Variants in CAMK2G observed in about 807,000 individuals in gnomAD.
The protein encoded by CAMK2G is calcium/calmodulin dependent protein kinase II gamma, also known as calcium/calmodulin-dependent protein kinase type II subunit gamma.
A neutral mutation model predicts 88.7 loss-of-function variants in CAMK2G; 23 were observed. The observed-to-expected ratio is 0.26, with a 90% CI of 0.19 to 0.37. The LOEUF (loss-of-function observed/expected upper bound fraction) is 0.37. Ranked by LOEUF, CAMK2G falls within the 10% of genes least tolerant of loss-of-function variation. The pLI is 1.00. For missense variants in CAMK2G, 476 were observed against 780.8 expected (o/e 0.61, Z 4.65); for synonymous variants, 263 against 294.8 (o/e 0.89, Z 1.11).
intron 19 of CAMK2G, chr10:73,817,851 G>A (rs993032193): frequency 4.3e-6 from 2 of 467,622 alleles, no homozygotes; most frequent in African/African-American, 3.9e-5. Context: ...CCTTTAACAG[G>A]TGAGGAGCCT....
intron 10 of CAMK2G, chr10:73,846,431 A>G (rs1427219021): frequency 6.6e-6 from 1 of 152,214 alleles, no homozygotes; most frequent in Non-Finnish European, 1.5e-5. Context: ...CACCAGGAAC[A>G]GTAGGAGCTC....
Position 73,830,804 on chromosome 10 carries a change from G to C in CAMK2G, c.1054-2683C>G, listed in dbSNP as rs140467686. ...ATAGAAGCTAAGTCCCCCAAATCAA[G>C]AACACAAGACAGACTAGCTGCTCAA... On this transcript the variant is annotated intron_variant, in intron 14 of 22. Coordinates refer to ENST00000423381, the MANE Select transcript of CAMK2G (RefSeq NM_001367534.1). Among the ~76,000 whole-genome samples, 72 of 152,286 alleles carry C rather than the reference G, an allele frequency of 4.7e-4. 1 individual carries two copies. Among genetic ancestry groups the C allele is most frequent in the African/African-American group, 1.5e-3 (63 of 41,564 alleles).
intron 14 of CAMK2G, 119 bp downstream of exon 14, chr10:73,837,349 T>G (rs2093346021): frequency 1.2e-6 from 1 of 844,910 alleles, no homozygotes; most frequent in Admixed American, 1.7e-5. Flanking sequence ...GCATCTGGTT[T>G]AAAGCAGACT....
intron 10 of CAMK2G, 126 bp downstream of exon 10, chr10:73,847,099 C>T (rs1391542409): frequency 4.1e-6 from 4 of 971,696 alleles, no homozygotes; most frequent in Middle Eastern, 2.2e-4. Flanking sequence ...CAGTCCTCTG[C>T]CCGCCTGCTC....
rs571197671 is a variant in CAMK2G, at chr10:73,848,921, A to C, written c.517+92T>G. The C allele has an allele frequency of 8.4e-4, 711 of 851,214 alleles. No individual in the cohort carries two copies. The highest frequency in any genetic ancestry group is 1.3e-3 in the Non-Finnish European group (656 of 486,326). 52.7% of individuals were successfully genotyped at this position (851,214 alleles called of 1,614,324 possible). On this transcript the variant is annotated intron_variant, in intron 7 of 22. Transcript: ENST00000423381. The surrounding 1 kb of genome is among the most constrained non-coding windows in gnomAD (Gnocchi z 4.5). ...GAGATCTCGGAGGCCAGGACCATTA[A>C]GGGTCTGGCTTCTAGTTCTAATAGA...
In CAMK2G at chr10:73,814,840, G is replaced by C. The variant is rs1224229006; in HGVS notation, c.*12+163C>G. On this transcript the variant is annotated intron_variant, in intron 22 of 22. Transcript: ENST00000423381. ...CACGGAGCCAGACCCTAGTCTGTCT[G>C]ATTTCCAAGCATAACTTATTGCAAC... 5.0e-6 allele frequency: 3 copies of C among 602,210 alleles called. No individual in the cohort carries two copies. In the African/African-American group the frequency reaches 5.6e-5, roughly 11 times the overall value. 37.3% of individuals were successfully genotyped at this position (602,210 alleles called of 1,614,324 possible).
Position 73,851,609 on chromosome 10 carries a change from A to G in CAMK2G, c.341+645T>C, listed in dbSNP as rs370950598. 1.4e-3 allele frequency among the ~76,000 whole-genome samples: 216 copies of G among 152,214 alleles called. 1 individual carries two copies. Among genetic ancestry groups the G allele is most frequent in the African/African-American group, 5.0e-3 (208 of 41,530 alleles). On this transcript the variant is annotated intron_variant, in intron 5 of 22. Coordinates refer to ENST00000423381, the MANE Select transcript of CAMK2G (RefSeq NM_001367534.1). ...GGCTTGAGCACACCAGAATTTGTCA[A>G]AGGAAAGAAAAGGGCAGAGGGGGAC...
At chr10:73,838,266 G>A (rs1485640303) in intron 13 of CAMK2G, among the ~76,000 whole-genome samples, 1 of 152,248 alleles carries the variant, frequency 6.6e-6, no homozygotes, top group East Asian at 1.9e-4. Flanking sequence ...CAGACAGTGG[G>A]GAGGAGAGTC....
intron 13 of CAMK2G, among the ~76,000 whole-genome samples, chr10:73,838,944 G>A (rs2093508108): frequency 6.6e-6 from 1 of 152,186 alleles, no homozygotes; most frequent in Non-Finnish European, 1.5e-5. Flanking sequence ...CCTTCGACAG[G>A]GTGATCTTAA....
chr10:73,820,663 A>ATTTTTTTTTTTTTTTTT (rs1198716305), intron 18 of CAMK2G, among the ~76,000 whole-genome samples: 6 of 46,128 alleles, frequency 1.3e-4, no homozygotes, highest in Non-Finnish European at 1.7e-4. Flanking sequence ...CACCCGGCTA[A>ATTTTTTTTTTTTTTTTT]TTTTTTTTTT....
rs746919895 is a variant in CAMK2G, at chr10:73,825,264, G to A, written c.1155+15C>T. On this transcript the variant is annotated intron_variant, in intron 16 of 22. Transcript: ENST00000423381. Reference sequence around the variant, plus strand: ...AGCCAGGGTCAGAGGCGGAGAAGCTGTAGTCAGGAGGTACCATGGCCGTCT... The same window carrying A: ...AGCCAGGGTCAGAGGCGGAGAAGCTATAGTCAGGAGGTACCATGGCCGTCT... 6 of 1,596,880 alleles carry A rather than the reference G, an allele frequency of 3.8e-6. No individual in the cohort carries two copies. The highest frequency in any genetic ancestry group is 5.2e-6 in the Non-Finnish European group (6 of 1,164,194).
intron 1 of CAMK2G, among the ~76,000 whole-genome samples, chr10:73,874,191 G>C (rs1333041887): frequency 6.7e-6 from 1 of 149,114 alleles, no homozygotes; most frequent in East Asian, 2.0e-4. Context: ...GGGGAGCAGC[G>C]GCCCCGCCAG....
chr10:73,842,726 G>A lies in CAMK2G; in HGVS notation c.820-185C>T, dbSNP rs1454671558. ...ATAAAAGCACTACCCGAAACTCAAG[G>A]TTACATAAGGACAACATGAACGTGA... On this transcript the variant is annotated intron_variant, in intron 10 of 22. Transcript: ENST00000423381. The surrounding 1 kb of genome is among the most constrained non-coding windows in gnomAD (Gnocchi z 4.6). 6.6e-6 allele frequency among the ~76,000 whole-genome samples: 1 copy of A among 152,160 alleles called. No homozygotes were observed. Among genetic ancestry groups the A allele is most frequent in the Non-Finnish European group, 1.5e-5 (1 of 68,028 alleles).
intron 16 of CAMK2G, 113 bp downstream of exon 16, chr10:73,825,166 G>C (rs1476460104): frequency 2.5e-6 from 2 of 801,016 alleles, no homozygotes; most frequent in East Asian, 2.4e-5. Context: ...CAGTTCTATG[G>C]GGACCAAGAA....
At chr10:73,828,920 C>T (rs1423619140) in intron 14 of CAMK2G, among the ~76,000 whole-genome samples, 1 of 152,186 alleles carries the variant, frequency 6.6e-6, no homozygotes, top group East Asian at 1.9e-4. Context: ...CCACGTGGAA[C>T]ACTGAAAATA....
intron 17 of CAMK2G, among the ~76,000 whole-genome samples, chr10:73,823,505 G>GGT (rs2089867326): frequency 6.6e-6 from 1 of 152,098 alleles, no homozygotes; most frequent in Non-Finnish European, 1.5e-5. Flanking sequence ...TGTGAGCCAC[G>GGT]GTGCCCAGCT....
At chr10:73,833,639 A>C (rs566937989) in intron 14 of CAMK2G, among the ~76,000 whole-genome samples, 76 of 144,148 alleles carry the variant, frequency 5.3e-4, no homozygotes, top group Non-Finnish European at 8.5e-4. Context: ...TCTGTCCCCC[A>C]GGCTGGAGTG....
At chr10:73,868,602 A>G (rs1216085575) in intron 2 of CAMK2G, among the ~76,000 whole-genome samples, 1 of 152,178 alleles carries the variant, frequency 6.6e-6, no homozygotes, top group African/African-American at 2.4e-5. Flanking sequence ...TTTCGCACAC[A>G]GCCTCCTTAA....
At chr10:73,814,666 A>C in intron 22 of CAMK2G, 161 bp from the exon 23 acceptor site, 2 of 245,574 alleles carry the variant, frequency 8.1e-6, no homozygotes, top group Non-Finnish European at 8.1e-6. Context: ...CCCATTTGCT[A>C]AGCACTAACT....
Sources: gnomAD v4.1 joint callset for allele counts (sites outside exome capture counted in the v4.1 genomes callset) on GRCh38, gnomAD v4.1.1 for gene constraint, Gnocchi (gnomAD v3.1) non-coding constraint, MANE v1.5 for transcripts, NCBI Gene and HGNC (gene_info 2026-07-23, HGNC 2026-07-21) for gene names.